The following SLC66A1 variants were observed in gnomAD, a reference collection of about 807,000 sequenced individuals.
SLC66A1 encodes the protein solute carrier family 66 member 1.
SLC66A1 carries 23 observed loss-of-function variants against 33.0 expected under a neutral mutation model. That is an observed-to-expected ratio of 0.70 (90% CI 0.50 to 0.99). The LOEUF is 0.99. Ranked by LOEUF, SLC66A1 falls within the 50% of genes least tolerant of loss-of-function variation. The pLI is 0.00. For missense variants in SLC66A1, 335 were observed against 383.6 expected, an observed-to-expected ratio of 0.87 and a Z score of 1.06; for synonymous variants, 164 against 175.5, an observed-to-expected ratio of 0.93 and a Z score of 0.52.
downstream of SLC66A1, among the ~76,000 whole-genome samples, chr1:19,334,003 G>T (rs2093898620): frequency 6.6e-6 from 1 of 152,204 alleles, no homozygotes. Context: ...TTCCACCGTG[G>T]ATTAACTCAG....
At chr1:19,333,002 T>C (rs894398001), downstream of SLC66A1, among the ~76,000 whole-genome samples, 7 of 152,174 alleles carry the variant, frequency 4.6e-5, no homozygotes, top group Admixed American at 6.6e-5. The surrounding 1 kb of genome is among the most constrained non-coding windows in gnomAD (Gnocchi z 4.2). Flanking sequence ...GGAAGTGACA[T>C]GCGCAGTGCC....
rs145182892 is a variant in SLC66A1 at position 19,319,919 on chromosome 1, A to G, written c.164+2078A>G. On this transcript the variant is annotated intron_variant, in intron 2 of 7. Transcript: ENST00000375153. ...TCTCCGTCTCTTTTCTTTTTGAGACAAGGTCTCACTCTGGTCCCCCAGGCT... is the reference window on the plus strand; with the variant it reads ...TCTCCGTCTCTTTTCTTTTTGAGACGAGGTCTCACTCTGGTCCCCCAGGCT... 9.3e-3 allele frequency among the ~76,000 whole-genome samples: 1,392 copies of G among 149,376 alleles called. 13 individuals are homozygous for G. The highest frequency in any genetic ancestry group is 0.013 in the Non-Finnish European group (848 of 67,262).
chr1:19,315,335 C>T (rs1257295764), intron 1 of SLC66A1, among the ~76,000 whole-genome samples: 2 of 152,246 alleles, frequency 1.3e-5, no homozygotes, highest in Non-Finnish European at 2.9e-5. Flanking sequence ...AGGGAAGAGG[C>T]TTTCAGCCTC....
intron 2 of SLC66A1, among the ~76,000 whole-genome samples, chr1:19,320,606 G>T (rs191815497): frequency 4.6e-5 from 7 of 151,434 alleles, no homozygotes; most frequent in East Asian, 1.9e-4. Context: ...TAGTAGAGAC[G>T]GGGTTTCACC....
chr1:19,323,466 G>T (rs2093847717), intron 2 of SLC66A1, among the ~76,000 whole-genome samples: 1 of 152,116 alleles, frequency 6.6e-6, no homozygotes, highest in Admixed American at 6.6e-5. Context: ...GAGTGCAGTG[G>T]TGTGATCTCG....
chr1:19,314,444 A>T (rs2093794805), intron 1 of SLC66A1, among the ~76,000 whole-genome samples: 2 of 152,160 alleles, frequency 1.3e-5, no homozygotes, highest in Admixed American at 6.6e-5. Context: ...CCCAACACAC[A>T]CATGCTGAGA....
chr1:19,315,099 G>C (rs139386287), intron 1 of SLC66A1, among the ~76,000 whole-genome samples: 327 of 152,262 alleles, frequency 2.1e-3, no homozygotes, highest in African/African-American at 7.6e-3. Context: ...GATAGAGATG[G>C]TGTTTCACCA....
At position 19,326,641 on chromosome 1, in the gene SLC66A1, G is replaced by T. The variant is rs2093869139; in HGVS notation, c.618+18G>T. 8 of 1,612,316 alleles carry T rather than the reference G, an allele frequency of 5.0e-6. No individual in the cohort carries two copies. Among genetic ancestry groups the T allele is most frequent in the Non-Finnish European group, 6.8e-6 (8 of 1,178,412 alleles). ...GCACCAACGTGAGCCTCCAGCAGGG[G>T]CTGGGTGGGGCCGAGTAGAGGAGAG... On this transcript the variant is annotated intron_variant, in intron 6 of 7. Coordinates refer to ENST00000375153, the MANE Select transcript of SLC66A1 (RefSeq NM_001040125.2).
downstream of SLC66A1, among the ~76,000 whole-genome samples, chr1:19,333,639 C>T (rs891360249): frequency 6.6e-6 from 1 of 152,134 alleles, no homozygotes; most frequent in African/African-American, 2.4e-5. This position sits in a 1 kb window ranked among gnomAD's most constrained non-coding sequence, Gnocchi z 4.2. Context: ...CCTCAACTAC[C>T]CCAGATGGTA....
Position 19,328,543 on chromosome 1 carries a change from C to G in SLC66A1, c.805-29C>G. ...GGGCAGGTCCAACCCAGTCTCTGCTCAGCTTGGCCTTAACGGCGGCACCCC... is the reference window on the plus strand; with the variant it reads ...GGGCAGGTCCAACCCAGTCTCTGCTGAGCTTGGCCTTAACGGCGGCACCCC... On this transcript the variant is annotated intron_variant, in intron 7 of 7. Coordinates refer to ENST00000375153, the MANE Select transcript of SLC66A1 (RefSeq NM_001040125.2). The surrounding 1 kb of genome is among the most constrained non-coding windows in gnomAD (Gnocchi z 4.7). 1 of 1,605,070 alleles carries G rather than the reference C, an allele frequency of 6.2e-7. No homozygotes were observed. The highest frequency in any genetic ancestry group is 8.5e-7 in the Non-Finnish European group (1 of 1,175,270).
chr1:19,318,969 G>T (rs1371305633), intron 2 of SLC66A1, among the ~76,000 whole-genome samples: 1 of 152,108 alleles, frequency 6.6e-6, no homozygotes, highest in African/African-American at 2.4e-5. Flanking sequence ...TTTATATAGT[G>T]GACAGAGTGT....
rs2093783261 is a variant in SLC66A1, at chr1:19,312,682, C to G, written c.-286C>G. ...CCGGGCCGGCCGGGCGAGGGGCCCT[C>G]GCGGCGCTGGCCCCAGCAGCTGTCC... On this transcript the variant is annotated 5_prime_UTR_variant, in exon 1 of 8. Transcript: ENST00000375153. 6.5e-6 allele frequency: 1 copy of G among 152,690 alleles called. No homozygotes were observed. Among genetic ancestry groups the G allele is most frequent in the Admixed American group, 6.5e-5 (1 of 15,292 alleles). The allele number at this position is 152,690 out of a possible 1,614,324, so 9.5% of individuals were successfully genotyped here. A position where few individuals can be genotyped will look rare whatever the true frequency, so the allele number is the denominator to read the frequency against.
intron 2 of SLC66A1, among the ~76,000 whole-genome samples, chr1:19,324,249 T>C (rs2093851687): frequency 6.6e-6 from 1 of 152,228 alleles, no homozygotes; most frequent in African/African-American, 2.4e-5. Flanking sequence ...TGCCCTTCCC[T>C]GCATCCACAG....
At chr1:19,314,949 C>T (rs1413184251) in intron 1 of SLC66A1, among the ~76,000 whole-genome samples, 2 of 152,100 alleles carry the variant, frequency 1.3e-5, no homozygotes, top group Non-Finnish European at 2.9e-5. Context: ...TGCTCTGTCA[C>T]CCAGTTGGAG....
In SLC66A1 at chr1:19,324,715, T is replaced by C. The variant is rs922609282; in HGVS notation, c.247T>C (p.Ser83Pro). 4 of 1,614,122 alleles carry C rather than the reference T, an allele frequency of 2.5e-6. No homozygotes were observed. Among genetic ancestry groups the C allele is most frequent in the Non-Finnish European group, 3.4e-6 (4 of 1,180,002 alleles). ...CCTCCTGGGCTGGATTGGCGGAGAC[T>C]CCTGCAACCTCATCGGCTCCTTCCT... is the stretch of plus-strand genomic sequence containing the variant. ...WFLLGWIGGD[S>P]CNLIGSFLAD... The change falls in exon 3 of 8, where the codon TCC (serine) becomes CCC (proline). Residue 83 changes from serine to proline, a missense_variant. Physicochemically the swap from Ser to Pro is moderately conservative, Grantham distance 74. Transcript: ENST00000375153.
downstream of SLC66A1, among the ~76,000 whole-genome samples, chr1:19,329,893 G>A (rs1479522593): frequency 1.3e-5 from 2 of 152,122 alleles, no homozygotes; most frequent in Non-Finnish European, 2.9e-5. Flanking sequence ...AAGAAGTGGC[G>A]GGTACAGGAG....
At chr1:19,314,142 G>C (rs909201045) in intron 1 of SLC66A1, among the ~76,000 whole-genome samples, 7 of 152,208 alleles carry the variant, frequency 4.6e-5, no homozygotes, top group Admixed American at 6.5e-5. Context: ...CTGGCTTCTA[G>C]GTGACAGGAA....
At position 19,321,169 on chromosome 1, in the gene SLC66A1, C is replaced by CTTTTTTTTTTT. The variant is rs71577887; in HGVS notation, c.164+3340_164+3350dup. The stretch of plus-strand genomic sequence containing the variant: ...TAACAAAGATTTATCCTTATCTCTT[C>CTTTTTTTTTTT]TTTTTTTTTTTTTTTTTTTTTTGAG... On this transcript the variant is annotated intron_variant, in intron 2 of 7. Coordinates refer to ENST00000375153, the MANE Select transcript of SLC66A1 (RefSeq NM_001040125.2). Among the ~76,000 whole-genome samples the CTTTTTTTTTTT allele has an allele frequency of 2.8e-4, 23 of 82,110 alleles. 1 individual carries two copies. Among genetic ancestry groups the CTTTTTTTTTTT allele is most frequent in the Admixed American group, 5.1e-4 (3 of 5,846 alleles). The allele number at this position is 82,110 out of a possible 152,430, so 53.9% of individuals were successfully genotyped here.
chr1:19,321,842 C>T (rs1299921801), intron 2 of SLC66A1, among the ~76,000 whole-genome samples: 1 of 151,924 alleles, frequency 6.6e-6, no homozygotes, highest in Non-Finnish European at 1.5e-5. Context: ...GCTGGGATTA[C>T]AGGCATGAGC....
Sources: allele counts gnomAD v4.1 joint callset (sites outside exome capture counted in the v4.1 genomes callset), GRCh38; gene constraint gnomAD v4.1.1; non-coding constraint Gnocchi (gnomAD v3.1); transcripts MANE v1.5; gene names NCBI Gene and HGNC (gene_info 2026-07-23, HGNC 2026-07-21).